The following TMEFF1 variants were observed in gnomAD, a reference collection of about 807,000 sequenced individuals.
TMEFF1 encodes tomoregulin-1.
TMEFF1 carries 20 observed loss-of-function variants against 47.5 expected under a neutral mutation model. The observed-to-expected ratio is 0.42, with a 90% CI of 0.30 to 0.61. TMEFF1 has a LOEUF of 0.61. TMEFF1 is among the 20% of genes least tolerant of loss of function. The probability of loss-of-function intolerance (pLI) is 0.19; values close to 1 mark genes in which losing one functional copy is unlikely to be tolerated. For synonymous variants in TMEFF1, 162 were observed against 166.3 expected (o/e 0.97, Z 0.20); for missense variants, 411 against 471.1 (o/e 0.87, Z 1.18).
intron 5 of TMEFF1, among the ~76,000 whole-genome samples, chr9:100,527,154 A>G (rs989086556): frequency 1.3e-5 from 2 of 151,724 alleles, no homozygotes; most frequent in Admixed American, 6.6e-5. Flanking sequence ...AAAAAAAAAA[A>G]CAAAACTACC....
intron 8 of TMEFF1, among the ~76,000 whole-genome samples, chr9:100,570,594 G>A (rs1057061358): frequency 6.6e-6 from 1 of 151,954 alleles, no homozygotes; most frequent in African/African-American, 2.4e-5. Flanking sequence ...ATAGATGTAT[G>A]GGTTTATTTC....
In TMEFF1 at chr9:100,566,907, G is replaced by A. The variant is rs143643133; in HGVS notation, c.899+5387G>A. Among the ~76,000 whole-genome samples the A allele has an allele frequency of 3.2e-3, 489 of 152,112 alleles. 2 individuals carry two copies. The highest frequency in any genetic ancestry group is 0.011 in the African/African-American group (451 of 41,494). On this transcript the variant is annotated intron_variant, in intron 8 of 9. Coordinates refer to ENST00000374879, the MANE Select transcript of TMEFF1 (RefSeq NM_003692.5). ...TTTAGTAGAGATAGGGTTTCAGCAC[G>A]TTGGCCAGGCTGATTTTTGCATTTT...
At chr9:100,564,977 C>G (rs1839093838) in intron 8 of TMEFF1, among the ~76,000 whole-genome samples, 1 of 151,980 alleles carries the variant, frequency 6.6e-6, no homozygotes, top group Admixed American at 6.6e-5. Flanking sequence ...AGGAGAGTCT[C>G]CTGGCTTTCT....
Position 100,473,728 on chromosome 9 carries a change from A to C in TMEFF1, c.184A>C (p.Ile62Leu). Residue 62 changes from isoleucine (I) to leucine (L), a missense_variant, in exon 1 of 10, where the codon ATC (isoleucine) becomes CTC (leucine). Ile to Leu is a conservative substitution (Grantham distance 5). Transcript: ENST00000374879. The surrounding 1 kb of genome is among the most constrained non-coding windows in gnomAD (Gnocchi z 5.4). ...CTGTCCCGGCGGCAAAGGCAAGAGC[A>C]TCAACTGCTCAGGTAGGACCGGTCG... Reference protein sequence around the residue: ...GDCPGGKGKSINCSELNVRES... With the variant: ...GDCPGGKGKSLNCSELNVRES... The C allele has an allele frequency of 6.5e-7, 1 of 1,529,240 alleles. No homozygotes were observed. The highest frequency in any genetic ancestry group is 8.8e-7 in the Non-Finnish European group (1 of 1,136,988). 94.7% of individuals were successfully genotyped at this position (1,529,240 alleles called of 1,614,324 possible). A position where few individuals can be genotyped will look rare whatever the true frequency, so the allele number is the denominator to read the frequency against.
At chr9:100,540,296 A>G (rs1838604236) in intron 5 of TMEFF1, among the ~76,000 whole-genome samples, 1 of 152,176 alleles carries the variant, frequency 6.6e-6, no homozygotes, top group Non-Finnish European at 1.5e-5. Flanking sequence ...CAGAGTGTTG[A>G]TTGGTGCGTT....
intron 2 of TMEFF1, among the ~76,000 whole-genome samples, chr9:100,502,777 T>C (rs1238097215): frequency 1.3e-5 from 2 of 152,204 alleles, no homozygotes; most frequent in Non-Finnish European, 2.9e-5. Flanking sequence ...CCTTCCATGA[T>C]CTGTCTGAAT....
At chr9:100,526,419 AGTCTC>A (rs1192459315) in intron 5 of TMEFF1, among the ~76,000 whole-genome samples, 1 of 152,020 alleles carries the variant, frequency 6.6e-6, no homozygotes, top group Admixed American at 6.6e-5. Context: ...ATCCTGGTCT[AGTCTC>A]ATTTTATCTT....
rs142561065 is a variant in TMEFF1, at chr9:100,507,414, A to C, written c.307-1591A>C. Among the ~76,000 whole-genome samples the C allele has an allele frequency of 5.9e-3, 898 of 152,228 alleles. 9 individuals are homozygous for C. The highest frequency in any genetic ancestry group is 0.021 in the African/African-American group (864 of 41,534). On this transcript the variant is annotated intron_variant, in intron 2 of 9. Coordinates refer to ENST00000374879, the MANE Select transcript of TMEFF1 (RefSeq NM_003692.5). ...CTGGGTTGAATGGTAGTTCTGTTTT[A>C]AGTTCTTTGAGAAATCTCCAAACTG...
chr9:100,507,329 A>G (rs765851710), intron 2 of TMEFF1, among the ~76,000 whole-genome samples: 2 of 152,054 alleles, frequency 1.3e-5, no homozygotes, highest in Admixed American at 6.6e-5. Flanking sequence ...ATATGGGTGC[A>G]TGTGTCTTTT....
chr9:100,522,062 G>A (rs569960495), intron 5 of TMEFF1, among the ~76,000 whole-genome samples: 53 of 152,278 alleles, frequency 3.5e-4, no homozygotes, highest in African/African-American at 1.1e-3. Flanking sequence ...TCCCTCAGAA[G>A]GTGCAGTGAT....
intron 1 of TMEFF1, among the ~76,000 whole-genome samples, chr9:100,481,633 A>G (rs1400532392): frequency 6.6e-6 from 1 of 152,238 alleles, no homozygotes; most frequent in Non-Finnish European, 1.5e-5. Flanking sequence ...TTATGGTTTT[A>G]GAAAACAAAG....
At position 100,504,930 on chromosome 9, in the gene TMEFF1, A is replaced by G. The variant is rs554748124; in HGVS notation, c.307-4075A>G. Among the ~76,000 whole-genome samples the G allele has an allele frequency of 6.8e-4, 104 of 152,354 alleles. 1 individual carries two copies. In the South Asian group the frequency reaches 0.02, roughly 29 times the overall value. ...TACTATCCTTAGAAGAAATTCACGG[A>G]TAAATTAACCTACATAAACACATGA... On this transcript the variant is annotated intron_variant, in intron 2 of 9. Transcript: ENST00000374879.
chr9:100,481,850 C>G (rs1360645570), intron 1 of TMEFF1, among the ~76,000 whole-genome samples: 1 of 151,710 alleles, frequency 6.6e-6, no homozygotes, highest in Non-Finnish European at 1.5e-5. Context: ...GGCATGATCT[C>G]AGCTCAGTGC....
chr9:100,570,478 C>T (rs1384592381), intron 8 of TMEFF1, among the ~76,000 whole-genome samples: 1 of 152,082 alleles, frequency 6.6e-6, no homozygotes, highest in Non-Finnish European at 1.5e-5. Context: ...AGGAAGAGGT[C>T]TAGCTTCATC....
intron 1 of TMEFF1, among the ~76,000 whole-genome samples, chr9:100,475,216 A>T (rs1255418906): frequency 6.6e-6 from 1 of 152,144 alleles, no homozygotes; most frequent in Non-Finnish European, 1.5e-5. Context: ...TGCTTATGCT[A>T]CCCTAAATGA....
intron 5 of TMEFF1, among the ~76,000 whole-genome samples, chr9:100,528,102 A>G (rs966581496): frequency 6.6e-6 from 1 of 151,536 alleles, no homozygotes; most frequent in Non-Finnish European, 1.5e-5. Context: ...CATCACCATC[A>G]TCAAAGACCA....
intron 5 of TMEFF1, among the ~76,000 whole-genome samples, chr9:100,530,945 T>C (rs1487456169): frequency 6.6e-6 from 1 of 151,928 alleles, no homozygotes; most frequent in Non-Finnish European, 1.5e-5. Context: ...CGCAAATCAA[T>C]AAATGTAATC....
chr9:100,553,241 C>T (rs1195383663), intron 7 of TMEFF1, among the ~76,000 whole-genome samples: 4 of 152,168 alleles, frequency 2.6e-5, no homozygotes, highest in Non-Finnish European at 5.9e-5. Flanking sequence ...AAAATGTTCT[C>T]ATAGGAAATA....
chr9:100,513,393 CTTTT>C, intron 4 of TMEFF1, 60 bp downstream of exon 4: 34 of 1,233,242 alleles, frequency 2.8e-5, no homozygotes, highest in South Asian at 1.2e-4. Context: ...CTTTCTTTTT[CTTTT>C]TTTTTTTTTT....
Sources: gnomAD v4.1 joint callset for allele counts (sites outside exome capture counted in the v4.1 genomes callset) on GRCh38, gnomAD v4.1.1 for gene constraint, Gnocchi (gnomAD v3.1) non-coding constraint, MANE v1.5 for transcripts, NCBI Gene and HGNC (gene_info 2026-07-23, HGNC 2026-07-21) for gene names.